Variants in NF1 observed in about 807,000 individuals in gnomAD.
NF1 encodes neurofibromin 1.
NF1 carries 122 observed loss-of-function variants against 325.7 expected under a neutral mutation model. That is an observed-to-expected ratio of 0.37 (90% CI 0.32 to 0.44). The LOEUF (loss-of-function observed/expected upper bound fraction) is 0.44, where lower values mean the gene tolerates loss of function less well. Among genes scored for constraint, NF1 ranks in the 20% least tolerant of loss-of-function variants. NF1 has a pLI of 1.00. For synonymous variants in NF1, 1,091 were observed against 1,186.0 expected (o/e 0.92, Z 1.65); for missense variants, 2,140 against 3,415.4 (o/e 0.63, Z 9.31).
chr17:31,349,085 A>T (rs1329211397), intron 48 of NF1, 35 bp from the exon 49 acceptor site: 3 of 1,550,108 alleles, frequency 1.9e-6, no homozygotes, highest in African/African-American at 2.8e-5. Flanking sequence ...ATTAATTCTT[A>T]CTTGTTTGTT....
rs547813555 is a variant in NF1, at chr17:31,342,331, C to T, written c.7063-678C>T. ...TTTGCAAATTGGCCGGGTGCAATGG[C>T]GCATGTTTGTAATTCCAGCACTCTG... On this transcript the variant is annotated intron_variant, in intron 47 of 57. Coordinates refer to ENST00000358273, the MANE Select transcript of NF1 (RefSeq NM_001042492.3). 5.9e-5 allele frequency among the ~76,000 whole-genome samples: 9 copies of T among 152,174 alleles called. No individual in the cohort carries two copies. In the East Asian group the frequency reaches 7.7e-4, roughly 13 times the overall value.
At chr17:31,234,725 C>A (rs187872098) in intron 27 of NF1, among the ~76,000 whole-genome samples, 3 of 143,466 alleles carry the variant, frequency 2.1e-5, no homozygotes, top group Admixed American at 1.4e-4. Flanking sequence ...AGCTTTAATT[C>A]GTTGAGTTTT....
intron 56 of NF1, chr17:31,360,125 T>G (rs1168116194): frequency 3.1e-6 from 1 of 321,320 alleles, no homozygotes; most frequent in African/African-American, 2.2e-5. Context: ...CCCTTTACAG[T>G]GTCTAGTGAG....
chr17:31,314,757 C>T (rs978382617), intron 36 of NF1, among the ~76,000 whole-genome samples: 2 of 152,110 alleles, frequency 1.3e-5, no homozygotes, highest in African/African-American at 4.8e-5. Context: ...AATAGTGTTA[C>T]AACAAAAGTG....
chr17:31,278,493 CTTTTTTTTTTTTTTTTTTTTT>C (rs200450821), intron 36 of NF1, among the ~76,000 whole-genome samples: 22 of 15,340 alleles, frequency 1.4e-3, no homozygotes, highest in Non-Finnish European at 2.0e-3. Flanking sequence ...GTAATTGAAG[CTTTTTTTTTTTTTTTTTTTTT>C]TTTTTTTTTT....
intron 20 of NF1, 77 bp downstream of exon 20, chr17:31,227,683 A>G: frequency 7.7e-7 from 1 of 1,291,852 alleles, no homozygotes; most frequent in African/African-American, 1.5e-5. Context: ...ATCTTTCAAG[A>G]GTCGCTCAGT....
At chr17:31,160,074 A>G (rs891490791) in intron 3 of NF1, among the ~76,000 whole-genome samples, 1 of 152,096 alleles carries the variant, frequency 6.6e-6, no homozygotes, top group Non-Finnish European at 1.5e-5. Context: ...GAAAAAATGT[A>G]AGCATAATAT....
chr17:31,201,543 C>T (rs892667993), intron 11 of NF1, 58 bp downstream of exon 11: 109 of 1,275,974 alleles, frequency 8.5e-5, no homozygotes, highest in Admixed American at 1.9e-4. Context: ...CTTTTCTTTG[C>T]GTATTTCTTT....
chr17:31,226,449 A>G lies in NF1; in HGVS notation c.2016A>G (p.Gly672=). 2 of 1,613,654 alleles carry G rather than the reference A, an allele frequency of 1.2e-6. No individual in the cohort carries two copies. The highest frequency in any genetic ancestry group is 1.7e-6 in the Non-Finnish European group (2 of 1,179,768). ...TTGACTCTCAGGATAGTGCAGCAGG[A>G]TGCAGCGGAACCCCCCCGATTTGCC... ...KGNSSMDSAA[G]CSGTPPICRQ... is the part of the protein sequence containing the mutation. The change falls in exon 18 of 58, where the codon GGA becomes GGG. Residue 672 remains glycine, a synonymous_variant. Coordinates refer to ENST00000358273, the MANE Select transcript of NF1 (RefSeq NM_001042492.3).
At chr17:31,253,807 A>G (rs1466794001) in intron 31 of NF1, 1 of 152,224 alleles carries the variant, frequency 6.6e-6, no homozygotes, top group Non-Finnish European at 1.5e-5. Context: ...ATTATCTGTC[A>G]CAGTGACTTA....
chr17:31,216,060 A>G (rs1046742767), intron 13 of NF1, among the ~76,000 whole-genome samples: 3 of 152,226 alleles, frequency 2.0e-5, no homozygotes, highest in Admixed American at 6.5e-5. Flanking sequence ...GATCTTTGGC[A>G]TGAAAAAATT....
chr17:31,119,919 T>C (rs1361103443), intron 1 of NF1, among the ~76,000 whole-genome samples: 1 of 152,232 alleles, frequency 6.6e-6, no homozygotes, highest in Admixed American at 6.5e-5. Context: ...CAGATGGTTA[T>C]AGATGTGTGG....
intron 1 of NF1, among the ~76,000 whole-genome samples, chr17:31,155,234 A>G (rs2065638348): frequency 6.6e-6 from 1 of 152,220 alleles, no homozygotes; most frequent in East Asian, 1.9e-4. Flanking sequence ...AAGTATGTCC[A>G]TGATGCTTTA....
intron 1 of NF1, among the ~76,000 whole-genome samples, chr17:31,111,084 T>C (rs1014904148): frequency 6.6e-6 from 1 of 152,000 alleles, no homozygotes; most frequent in Non-Finnish European, 1.5e-5. Flanking sequence ...AACCCCCCCA[T>C]TAATAATTAA....
intron 1 of NF1, among the ~76,000 whole-genome samples, chr17:31,111,999 G>A (rs1470053368): frequency 1.3e-5 from 2 of 152,096 alleles, no homozygotes; most frequent in African/African-American, 4.8e-5. Context: ...TGTATAATTT[G>A]ATGAGTTTTG....
intron 57 of NF1, among the ~76,000 whole-genome samples, chr17:31,372,479 A>G (rs1376623621): frequency 6.6e-6 from 1 of 152,172 alleles, no homozygotes; most frequent in East Asian, 1.9e-4. Context: ...ACAAATTGCA[A>G]GTTTTCAGCT....
At chr17:31,187,292 A>G (rs1340412486) in intron 8 of NF1, among the ~76,000 whole-genome samples, 1 of 152,066 alleles carries the variant, frequency 6.6e-6, no homozygotes, top group Admixed American at 6.5e-5. Flanking sequence ...TCTGCCTCCC[A>G]GGTTCAAGCG....
chr17:31,278,787 G>C (rs981062460), intron 36 of NF1, among the ~76,000 whole-genome samples: 1 of 151,596 alleles, frequency 6.6e-6, no homozygotes, highest in Non-Finnish European at 1.5e-5. Context: ...GCTAATTTTC[G>C]TATTTTTAGT....
At chr17:31,285,886 G>A (rs2068217646) in intron 36 of NF1, among the ~76,000 whole-genome samples, 1 of 152,128 alleles carries the variant, frequency 6.6e-6, no homozygotes, top group Admixed American at 6.5e-5. Context: ...CCCCAGAGTT[G>A]TTTTCAGTAA....
Sources: allele counts gnomAD v4.1 joint callset (sites outside exome capture counted in the v4.1 genomes callset), GRCh38; gene constraint gnomAD v4.1.1; transcripts MANE v1.5; gene names NCBI Gene and HGNC (gene_info 2026-07-23, HGNC 2026-07-21).